The following KIRREL3 variants were observed in gnomAD, a reference collection of about 807,000 sequenced individuals.
KIRREL3 encodes the protein kin of IRRE-like protein 3.
A neutral mutation model predicts 89.7 loss-of-function variants in KIRREL3; 36 were observed. That is an observed-to-expected ratio of 0.40 (90% CI 0.31 to 0.53). The LOEUF (loss-of-function observed/expected upper bound fraction) is 0.53, where lower values mean the gene tolerates loss of function less well. KIRREL3 is among the 20% of genes least tolerant of loss of function. The pLI is 0.49. For synonymous variants in KIRREL3, 445 were observed against 441.4 expected, an observed-to-expected ratio of 1.01 and a Z score of -0.10; for missense variants, 864 against 1,056.6, an observed-to-expected ratio of 0.82 and a Z score of 2.53.
intron 1 of KIRREL3, among the ~76,000 whole-genome samples, chr11:126,714,476 G>A (rs1395681016): frequency 6.6e-6 from 1 of 152,196 alleles, no homozygotes; most frequent in African/African-American, 2.4e-5. Context: ...ATGGAGTCAC[G>A]GAGATGTGAT....
intron 1 of KIRREL3, among the ~76,000 whole-genome samples, chr11:126,659,879 T>G (rs1234373527): frequency 5.3e-5 from 8 of 152,194 alleles, no homozygotes; most frequent in African/African-American, 1.9e-4. Context: ...TACTAAGTGT[T>G]GCCTTTAAAG....
intron 1 of KIRREL3, among the ~76,000 whole-genome samples, chr11:126,893,037 G>A (rs957143224): frequency 2.0e-5 from 3 of 152,106 alleles, no homozygotes; most frequent in African/African-American, 4.8e-5. Flanking sequence ...AATTTCCCCC[G>A]TTGTTTGATA....
chr11:126,786,928 C>T (rs1950504507), intron 1 of KIRREL3, among the ~76,000 whole-genome samples: 1 of 152,172 alleles, frequency 6.6e-6, no homozygotes, highest in African/African-American at 2.4e-5. Context: ...GCTGGTCTTT[C>T]CTAATGAGCA....
intron 1 of KIRREL3, among the ~76,000 whole-genome samples, chr11:126,827,235 T>C (rs796208672): frequency 9.2e-5 from 14 of 152,130 alleles, no homozygotes; most frequent in African/African-American, 3.4e-4. Flanking sequence ...TGGAGTGCAG[T>C]GGCACGATCT....
In KIRREL3 at chr11:126,977,098, T is replaced by G. The variant is rs1418405526; in HGVS notation, c.55+23357A>C. Among the ~76,000 whole-genome samples the G allele has an allele frequency of 6.6e-6, 1 of 152,166 alleles. No individual in the cohort carries two copies. The highest frequency in any genetic ancestry group is 1.9e-4 in the East Asian group (1 of 5,190). ...CCTTCTTGAAACCTAAAAAAATCTC[T>G]CTTTTCCTTTTTTCTTTTTCTGCAG... is the stretch of plus-strand genomic sequence containing the variant. On this transcript the variant is annotated intron_variant, in intron 1 of 16. Transcript: ENST00000525144. This position sits in a 1 kb window ranked among gnomAD's most constrained non-coding sequence, Gnocchi z 4.7.
At chr11:126,436,261 C>T (rs1436685557) in intron 12 of KIRREL3, among the ~76,000 whole-genome samples, 5 of 152,218 alleles carry the variant, frequency 3.3e-5, no homozygotes, top group African/African-American at 7.2e-5. Flanking sequence ...GCCCAGCCCC[C>T]GACCCTAGGG....
rs376820417 is a variant in KIRREL3 at position 127,000,502 on chromosome 11, G to A, written c.8C>T (p.Pro3Leu). Residue 3 changes from proline to leucine, a missense_variant, in exon 1 of 17, where the codon CCC (proline) becomes CTC (leucine). Pro to Leu is a moderately conservative substitution (Grantham distance 98, BLOSUM62 -3). Coordinates refer to ENST00000525144, the MANE Select transcript of KIRREL3 (RefSeq NM_032531.4). This position sits in a 1 kb window ranked among gnomAD's most constrained non-coding sequence, Gnocchi z 7.1. Reference protein sequence around the residue: MKPFQLDLLFVCF... With the variant: MKLFQLDLLFVCF... ...GACGAAGAGCAGATCGAGCTGGAAG[G>A]GTTTCATTCCTTAGCGCAGCGAAGG... 3 of 1,607,034 alleles carry A rather than the reference G, an allele frequency of 1.9e-6. No individual in the cohort carries two copies. The Admixed American group carries it at 5.1e-5, about 27-fold the overall frequency.
intron 1 of KIRREL3, among the ~76,000 whole-genome samples, chr11:126,818,052 C>T (rs569241927): frequency 6.6e-5 from 10 of 152,296 alleles, no homozygotes; most frequent in African/African-American, 1.4e-4. Context: ...AGGAACGTTT[C>T]GAGGATGCCT....
At chr11:126,630,744 T>G (rs1943985235) in intron 1 of KIRREL3, among the ~76,000 whole-genome samples, 1 of 152,170 alleles carries the variant, frequency 6.6e-6, no homozygotes, top group Admixed American at 6.5e-5. Flanking sequence ...GAGCTTGTCT[T>G]TGACTCCTGA....
rs930789818 is a variant in KIRREL3, at chr11:126,636,374, A to C, written c.56-73462T>G. 6.6e-6 allele frequency among the ~76,000 whole-genome samples: 1 copy of C among 152,230 alleles called. No homozygotes were observed. The highest frequency in any genetic ancestry group is 2.4e-5 in the African/African-American group (1 of 41,458). Reference sequence around the variant, plus strand: ...GGTAACCCAGCATCTGCCGTTTAACAGATGCCCTGTAAGTGAGTGCCTTCC... The same window carrying C: ...GGTAACCCAGCATCTGCCGTTTAACCGATGCCCTGTAAGTGAGTGCCTTCC... On this transcript the variant is annotated intron_variant, in intron 1 of 16. Coordinates refer to ENST00000525144, the MANE Select transcript of KIRREL3 (RefSeq NM_032531.4). This position sits in a 1 kb window ranked among gnomAD's most constrained non-coding sequence, Gnocchi z 4.4.
chr11:126,727,002 C>T (rs1948413019), intron 1 of KIRREL3, among the ~76,000 whole-genome samples: 2 of 152,232 alleles, frequency 1.3e-5, no homozygotes, highest in African/African-American at 2.4e-5. Context: ...GACACGCCTC[C>T]AGCACAGATT....
Position 126,715,799 on chromosome 11 carries a change from T to C in KIRREL3, c.56-152887A>G, listed in dbSNP as rs1430683552. Among the ~76,000 whole-genome samples, 1 of 152,172 alleles carries C rather than the reference T, an allele frequency of 6.6e-6. No individual in the cohort carries two copies. The highest frequency in any genetic ancestry group is 2.4e-5 in the African/African-American group (1 of 41,456). On this transcript the variant is annotated intron_variant, in intron 1 of 16. Coordinates refer to ENST00000525144, the MANE Select transcript of KIRREL3 (RefSeq NM_032531.4). This position sits in a 1 kb window ranked among gnomAD's most constrained non-coding sequence, Gnocchi z 4.4. The stretch of plus-strand genomic sequence containing the variant: ...GAGAATGTTCAAACACCATCCACGA[T>C]GAACACGGTTGCAGAGAGGCCAGTG...
chr11:126,567,581 C>T (rs1432979578), intron 1 of KIRREL3, among the ~76,000 whole-genome samples: 1 of 152,214 alleles, frequency 6.6e-6, no homozygotes, highest in Middle Eastern at 3.2e-3. Context: ...AACCCAGCCC[C>T]CAGAGCACAA....
rs1313339546 is a variant in KIRREL3, at chr11:126,697,807, C to G, written c.56-134895G>C. On this transcript the variant is annotated intron_variant, in intron 1 of 16. Transcript: ENST00000525144. This position sits in a 1 kb window ranked among gnomAD's most constrained non-coding sequence, Gnocchi z 4.2. ...TATTGGATATTAATCAAGTCCTACT[C>G]AGACCACAAACAAGCAGCCCTGCTC... Among the ~76,000 whole-genome samples the G allele has an allele frequency of 6.6e-6, 1 of 152,196 alleles. No homozygotes were observed. Among genetic ancestry groups the G allele is most frequent in the African/African-American group, 2.4e-5 (1 of 41,438 alleles).
At position 126,574,167 on chromosome 11, in the gene KIRREL3, G is replaced by T. The variant is rs1018249678; in HGVS notation, c.56-11255C>A. 1.3e-5 allele frequency among the ~76,000 whole-genome samples: 2 copies of T among 152,188 alleles called. No homozygotes were observed. Among genetic ancestry groups the T allele is most frequent in the Non-Finnish European group, 2.9e-5 (2 of 68,036 alleles). Reference sequence around the variant, plus strand: ...TTTGCAGTTGAAGAAGTAAATACATGTTCTTCTTTAACCCTAAACATTTAT... The same window carrying T: ...TTTGCAGTTGAAGAAGTAAATACATTTTCTTCTTTAACCCTAAACATTTAT... On this transcript the variant is annotated intron_variant, in intron 1 of 16. Transcript: ENST00000525144. The surrounding 1 kb of genome is among the most constrained non-coding windows in gnomAD (Gnocchi z 5.3).
chr11:126,720,542 T>G lies in KIRREL3; in HGVS notation c.56-157630A>C, dbSNP rs1948129243. On this transcript the variant is annotated intron_variant, in intron 1 of 16. Coordinates refer to ENST00000525144, the MANE Select transcript of KIRREL3 (RefSeq NM_032531.4). ...ATAAAAGCATTAGGTGGGTGAAAAA[T>G]TGCAAAAAACAAAATTACTTTCAAC... 2.0e-5 allele frequency among the ~76,000 whole-genome samples: 3 copies of G among 152,194 alleles called. No individual in the cohort carries two copies. The South Asian group carries it at 6.2e-4, about 32-fold the overall frequency.
intron 1 of KIRREL3, among the ~76,000 whole-genome samples, chr11:126,650,023 G>T (rs916372696): frequency 2.6e-5 from 4 of 152,246 alleles, no homozygotes; most frequent in Non-Finnish European, 4.4e-5. Context: ...ACACCACATG[G>T]AAGCTGCCAA....
Position 126,424,801 on chromosome 11 carries a change from G to C in KIRREL3, c.2116C>G (p.Leu706Val), listed in dbSNP as rs1364886622. Residue 706 changes from leucine (L) to valine (V), a missense_variant, in exon 17 of 17, where the codon CTT (leucine) becomes GTT (valine). Transcript: ENST00000525144. ...VLGMGSSSIELCEREFQRGSL... is the reference protein window; with the variant it reads ...VLGMGSSSIEVCEREFQRGSL... ...CCTCTCTGGAACTCCCGCTCACAAAGCTCGATGGACGAGCTGCCCATGCCC... is the reference window on the plus strand; with the variant it reads ...CCTCTCTGGAACTCCCGCTCACAAACCTCGATGGACGAGCTGCCCATGCCC... The C allele has an allele frequency of 6.2e-7, 1 of 1,614,052 alleles. No individual in the cohort carries two copies. Among genetic ancestry groups the C allele is most frequent in the Admixed American group, 1.7e-5 (1 of 60,026 alleles).
chr11:126,669,503 G>A lies in KIRREL3; in HGVS notation c.56-106591C>T, dbSNP rs116958278. Among the ~76,000 whole-genome samples, 2,366 of 152,270 alleles carry A rather than the reference G, an allele frequency of 0.016. 31 individuals carry two copies. The highest frequency in any genetic ancestry group is 0.017 in the Admixed American group (259 of 15,294). On this transcript the variant is annotated intron_variant, in intron 1 of 16. Coordinates refer to ENST00000525144, the MANE Select transcript of KIRREL3 (RefSeq NM_032531.4). The surrounding 1 kb of genome is among the most constrained non-coding windows in gnomAD (Gnocchi z 5.0). ...TGTATTTAAGGGCTTAATCATGGGC[G>A]GTTAGATTTTTAACTTCTGGTTCGG...
Sources: gnomAD v4.1 joint callset for allele counts (sites outside exome capture counted in the v4.1 genomes callset) on GRCh38, gnomAD v4.1.1 for gene constraint, Gnocchi (gnomAD v3.1) non-coding constraint, MANE v1.5 for transcripts, NCBI Gene and HGNC (gene_info 2026-07-23, HGNC 2026-07-21) for gene names.